PER2: variants seen among roughly 807,000 people sequenced by gnomAD.
PER2 encodes period circadian protein homolog 2.
PER2 carries 66 observed loss-of-function variants against 121.0 expected under a neutral mutation model. That is an observed-to-expected ratio of 0.55 (90% confidence interval 0.45 to 0.67). The LOEUF is 0.67. PER2 is among the 30% of genes least tolerant of loss of function. PER2 has a pLI of 0.00. For missense variants in PER2, 1,521 were observed against 1,635.0 expected, an observed-to-expected ratio of 0.93 and a Z score of 1.20; for synonymous variants, 684 against 659.9, an observed-to-expected ratio of 1.04 and a Z score of -0.56.
At chr2:238,289,044 G>C (rs541918362), upstream of PER2, 1 of 152,322 alleles carries the variant, frequency 6.6e-6, no homozygotes, top group African/African-American at 2.4e-5. Flanking sequence ...TTCCGGCGTC[G>C]GCGCCTTCCA....
rs143123861 is a variant in PER2 at position 238,265,998 on chromosome 2, G to C, written c.968-408C>G. Among the ~76,000 whole-genome samples, 638 of 152,058 alleles carry C rather than the reference G, an allele frequency of 4.2e-3. 4 individuals are homozygous for C. The highest frequency in any genetic ancestry group is 0.014 in the African/African-American group (573 of 41,452). ...GGCTCATTGCAACCTCCGCCTCCGA[G>C]GTTCAAGCGATTCTCCTGCTTCAGC... On this transcript the variant is annotated intron_variant, in intron 8 of 22. Coordinates refer to ENST00000254657, the MANE Select transcript of PER2 (RefSeq NM_022817.3).
chr2:238,250,532 G>A lies in PER2; in HGVS notation c.3467+19C>T, dbSNP rs1345690162. 1 of 1,596,974 alleles carries A rather than the reference G, an allele frequency of 6.3e-7. No individual in the cohort carries two copies. Among genetic ancestry groups the A allele is most frequent in the Admixed American group, 1.7e-5 (1 of 59,054 alleles). ...ACCCCATCCCTCCCCAGGTGCCTAGGAAAACGCTGGGTGGTTACCGGGAAG... is the reference window on the plus strand; with the variant it reads ...ACCCCATCCCTCCCCAGGTGCCTAGAAAAACGCTGGGTGGTTACCGGGAAG... On this transcript the variant is annotated intron_variant, in intron 21 of 22. Transcript: ENST00000254657.
intron 1 of PER2, among the ~76,000 whole-genome samples, chr2:238,286,734 G>A (rs1696800993): frequency 1.3e-5 from 2 of 152,270 alleles, no homozygotes; most frequent in African/African-American, 4.8e-5. Flanking sequence ...CCTGCCAGCT[G>A]TTCAATGACC....
intron 12 of PER2, 44 bp downstream of exon 12, chr2:238,261,685 T>A: frequency 7.7e-7 from 1 of 1,302,102 alleles, no homozygotes; most frequent in African/African-American, 1.5e-5. Context: ...CAGGGGGCTC[T>A]CAGGCTGCTA....
intron 16 of PER2, among the ~76,000 whole-genome samples, chr2:238,257,349 G>T (rs915243467): frequency 3.9e-5 from 6 of 152,380 alleles, no homozygotes; most frequent in African/African-American, 1.4e-4. Flanking sequence ...AGGCGCAGCA[G>T]CTTGGCAGCT....
At chr2:238,291,446 T>G (rs978338184), upstream of PER2, among the ~76,000 whole-genome samples, 2 of 152,244 alleles carry the variant, frequency 1.3e-5, no homozygotes, top group Admixed American at 6.5e-5. Flanking sequence ...CAGGCAACTG[T>G]GCTGATCACT....
intron 9 of PER2, among the ~76,000 whole-genome samples, chr2:238,263,611 G>A (rs931601627): frequency 1.3e-5 from 2 of 152,100 alleles, no homozygotes; most frequent in African/African-American, 2.4e-5. Flanking sequence ...ATTGCAGGAC[G>A]GAGCTGAACT....
intron 1 of PER2, among the ~76,000 whole-genome samples, chr2:238,280,110 C>T (rs1445121749): frequency 6.6e-6 from 1 of 152,208 alleles, no homozygotes; most frequent in Non-Finnish European, 1.5e-5. Context: ...CCCTCCCCAA[C>T]AGGGCAACTC....
rs1331330330 is a variant in PER2 at position 238,276,666 on chromosome 2, GC to G, written c.293+464del. 2.0e-4 allele frequency among the ~76,000 whole-genome samples: 30 copies of G among 152,324 alleles called. 1 individual carries two copies. Among genetic ancestry groups the G allele is most frequent in the African/African-American group, 6.7e-4 (28 of 41,572 alleles). ...GATGTTAGAGAGACAGGACAGCGGG[GC>G]ACTGGCTGATGAAGATGGGCCTGTG... On this transcript the variant is annotated intron_variant, in intron 3 of 22. Transcript: ENST00000254657.
Position 238,258,623 on chromosome 2 carries a change from G to C in PER2, c.1649C>G (p.Ala550Gly). The C allele has an allele frequency of 1.9e-6, 3 of 1,614,072 alleles. No homozygotes were observed. The highest frequency in any genetic ancestry group is 2.5e-6 in the Non-Finnish European group (3 of 1,179,992). The change falls in exon 15 of 23, where the codon GCT (alanine) becomes GGT (glycine). Residue 550 changes from alanine to glycine, a missense_variant. Coordinates refer to ENST00000254657, the MANE Select transcript of PER2 (RefSeq NM_022817.3). ...SVTEMQTNPPAEKKAVPAMEK... is the reference protein window; with the variant it reads ...SVTEMQTNPPGEKKAVPAMEK... ...CATGGCAGGGACAGCTTTCTTCTCA[G>C]CTGGGGGATTAGTTTGCATTTCTGA...
rs377264399 is a variant in PER2 at position 238,268,209 on chromosome 2, G to C, written c.825-11C>G. ...TGGCTTTTCCGGACACTGCGGAGAAGAGCCACGCTCTAAGTTGGGAACTGT... is the reference window on the plus strand; with the variant it reads ...TGGCTTTTCCGGACACTGCGGAGAACAGCCACGCTCTAAGTTGGGAACTGT... On this transcript the variant is annotated splice_polypyrimidine_tract_variant and intron_variant, in intron 7 of 22. Coordinates refer to ENST00000254657, the MANE Select transcript of PER2 (RefSeq NM_022817.3). The surrounding 1 kb of genome is among the most constrained non-coding windows in gnomAD (Gnocchi z 4.0). 3.1e-6 allele frequency: 5 copies of C among 1,613,480 alleles called. No homozygotes were observed. In the African/African-American group the frequency reaches 6.7e-5, roughly 22 times the overall value.
chr2:238,291,596 C>T (rs1271013895), upstream of PER2, among the ~76,000 whole-genome samples: 4 of 152,204 alleles, frequency 2.6e-5, no homozygotes, highest in South Asian at 4.1e-4. Flanking sequence ...GGAGGGGACA[C>T]TGTCAAGCTT....
Position 238,249,133 on chromosome 2 carries a change from G to T in PER2, c.3547C>A (p.Gln1183Lys). 2 of 1,614,130 alleles carry T rather than the reference G, an allele frequency of 1.2e-6. No homozygotes were observed. The highest frequency in any genetic ancestry group is 2.2e-5 in the East Asian group (1 of 44,878). The change falls in exon 22 of 23, where the codon CAG (glutamine) becomes AAG (lysine). Residue 1183 changes from glutamine to lysine, a missense_variant. Gln to Lys is a moderately conservative substitution (Grantham distance 53). Transcript: ENST00000254657. ...TGGACCTCGCGCAGCTCCTGCTTCTGACTCTCCGTGAACCTGGGCTGGAGT... is the reference window on the plus strand; with the variant it reads ...TGGACCTCGCGCAGCTCCTGCTTCTTACTCTCCGTGAACCTGGGCTGGAGT... The part of the protein sequence containing the change: ...QKLQPRFTES[Q>K]KQELREVHQW...
chr2:238,251,589 G>A lies in PER2; in HGVS notation c.3274+10C>T. ...CCCAAGTGCCTAACACCCCGCCAGG[G>A]CCAACATACCTGCCCCACTCGGGGA... is the stretch of plus-strand genomic sequence containing the variant. On this transcript the variant is annotated intron_variant, in intron 20 of 22. Coordinates refer to ENST00000254657, the MANE Select transcript of PER2 (RefSeq NM_022817.3). 1 of 1,613,546 alleles carries A rather than the reference G, an allele frequency of 6.2e-7. No homozygotes were observed. Among genetic ancestry groups the A allele is most frequent in the Non-Finnish European group, 8.5e-7 (1 of 1,179,582 alleles).
At chr2:238,295,707 C>T in the PER2 span, 1 of 155,856 alleles carries the variant, frequency 6.4e-6, no homozygotes, top group Non-Finnish European at 1.4e-5. Context: ...TGCCCGTGTA[C>T]TCATCTTCTC....
At position 238,271,335 on chromosome 2, in the gene PER2, A is replaced by C; in HGVS notation, c.749T>G (p.Leu250Trp). Reference protein sequence around the residue: ...HSFTSPYKLPLWSMCSGADSF... With the variant: ...HSFTSPYKLPWWSMCSGADSF... ...ACCTGCTCCACTGCACATGCTCCACAAGGGAAGCTTGTACGGGGAGGTGAA... is the reference window on the plus strand; with the variant it reads ...ACCTGCTCCACTGCACATGCTCCACCAGGGAAGCTTGTACGGGGAGGTGAA... The change falls in exon 6 of 23, where the codon TTG becomes TGG. Residue 250 changes from leucine to tryptophan, a missense_variant. Physicochemically the swap from Leu to Trp is moderately conservative, Grantham distance 61. Transcript: ENST00000254657. 6.2e-7 allele frequency: 1 copy of C among 1,613,994 alleles called. No homozygotes were observed. The highest frequency in any genetic ancestry group is 8.5e-7 in the Non-Finnish European group (1 of 1,179,892).
intron 9 of PER2, among the ~76,000 whole-genome samples, 158 bp downstream of exon 9, chr2:238,265,354 A>G (rs917236459): frequency 6.6e-6 from 1 of 152,260 alleles, no homozygotes; most frequent in African/African-American, 2.4e-5. Flanking sequence ...TATCTTAGGA[A>G]GTTTTCAGTG....
rs1213339362 is a variant in PER2, at chr2:238,260,813, T to G, written c.1542+15A>C. 9 of 1,613,922 alleles carry G rather than the reference T, an allele frequency of 5.6e-6. No individual in the cohort carries two copies. Among genetic ancestry groups the G allele is most frequent in the Non-Finnish European group, 7.6e-6 (9 of 1,179,872 alleles). On this transcript the variant is annotated intron_variant, in intron 13 of 22. Transcript: ENST00000254657. ...CACAAACTCATTTTCTCAGGGAGAA[T>G]GGAAGGAGACGTACGGCTCTCCTCC...
chr2:238,266,809 AG>A (rs756473693), intron 8 of PER2, among the ~76,000 whole-genome samples: 254 of 152,290 alleles, frequency 1.7e-3, no homozygotes, highest in Non-Finnish European at 2.5e-3. Flanking sequence ...AGGCCGAGAC[AG>A]GTGGATTGTC....
Sources: allele counts gnomAD v4.1 joint callset (sites outside exome capture counted in the v4.1 genomes callset), GRCh38; gene constraint gnomAD v4.1.1; non-coding constraint Gnocchi (gnomAD v3.1); transcripts MANE v1.5; gene names NCBI Gene and HGNC (gene_info 2026-07-23, HGNC 2026-07-21).